The following NBEA variants were observed in gnomAD, a reference collection of about 807,000 sequenced individuals.
NBEA encodes the protein neurobeachin.
A neutral mutation model predicts 343.4 loss-of-function variants in NBEA; 44 were observed. The ratio of observed to expected loss-of-function variants is 0.13; its 90% CI spans 0.10 to 0.16. NBEA has a LOEUF of 0.16. NBEA is among the 10% of genes least tolerant of loss of function. The pLI, the probability that NBEA is intolerant of heterozygous loss-of-function variation, is 1.00. For synonymous variants in NBEA, 1,175 were observed against 1,238.7 expected (o/e 0.95, Z 1.08); for missense variants, 2,555 against 3,631.3 (o/e 0.70, Z 7.62).
chr13:35,477,947 C>G (rs1444946280), intron 41 of NBEA, among the ~76,000 whole-genome samples: 1 of 152,058 alleles, frequency 6.6e-6, no homozygotes, highest in Non-Finnish European at 1.5e-5. Context: ...TAAAGAAATA[C>G]TACTTAGTGG....
Position 35,515,169 on chromosome 13 carries a change from T to A in NBEA, c.6586-35308T>A, listed in dbSNP as rs141375250. 1.0e-3 allele frequency among the ~76,000 whole-genome samples: 158 copies of A among 152,300 alleles called. 1 individual carries two copies. Among genetic ancestry groups the A allele is most frequent in the African/African-American group, 3.5e-3 (146 of 41,556 alleles). ...CACGAGAATAACAGGGATAAAAGGA[T>A]AATGGATGAGGGTGTCATTATTACC... On this transcript the variant is annotated intron_variant, in intron 41 of 58. Coordinates refer to ENST00000379939, the MANE Select transcript of NBEA (RefSeq NM_001385012.1).
intron 36 of NBEA, among the ~76,000 whole-genome samples, chr13:35,341,163 C>T (rs1405000488): frequency 4.6e-5 from 7 of 151,898 alleles, no homozygotes; most frequent in African/African-American, 1.2e-4. Context: ...GTTGAAAAGA[C>T]GGTCACTTCA....
At chr13:34,975,712 A>G (rs2060149192) in intron 1 of NBEA, among the ~76,000 whole-genome samples, 1 of 152,170 alleles carries the variant, frequency 6.6e-6, no homozygotes, top group African/African-American at 2.4e-5. Context: ...CAGAATCTAC[A>G]AAGAACTCAA....
intron 41 of NBEA, among the ~76,000 whole-genome samples, chr13:35,512,848 T>C (rs547489522): frequency 1.4e-4 from 21 of 152,306 alleles, no homozygotes; most frequent in South Asian, 1.2e-3. Context: ...TCGACCTCCT[T>C]CCACAAAAAC....
chr13:35,532,289 T>G (rs117974904), intron 41 of NBEA, among the ~76,000 whole-genome samples: 2 of 152,288 alleles, frequency 1.3e-5, no homozygotes, highest in Non-Finnish European at 2.9e-5. Flanking sequence ...ACATGAAAAG[T>G]ACCTTTCAGG....
chr13:35,484,326 CTTTTTTGCAACAGACCAAGTTTAAA>C (rs1489986023), intron 41 of NBEA, among the ~76,000 whole-genome samples: 1 of 129,442 alleles, frequency 7.7e-6, no homozygotes, highest in African/African-American at 2.8e-5. Context: ...TTGTTTTTTA[CTTTTTTGCAACAGACCAAGTTTAAA>C]TTTTTTGCAA....
In NBEA at chr13:34,942,841, C is replaced by T. The variant is rs1192183508; in HGVS notation, c.21C>T (p.Gly7=). The change falls in exon 1 of 59, where the codon GGC becomes GGT. Residue 7 remains glycine, a synonymous_variant. Coordinates refer to ENST00000379939, the MANE Select transcript of NBEA (RefSeq NM_001385012.1). ...GGCCAATGGCTAGCGAGAAGCCGGG[C>T]CCGGGCCCGGGGCTCGAGCCTCAGC... The part of the protein sequence containing the change: MASEKP[G]PGPGLEPQPV... 2 of 1,364,418 alleles carry T rather than the reference C, an allele frequency of 1.5e-6. No individual in the cohort carries two copies. The highest frequency in any genetic ancestry group is 3.1e-5 in the African/African-American group (2 of 64,362). 84.5% of individuals were successfully genotyped at this position (1,364,418 alleles called of 1,614,324 possible).
At chr13:35,138,880 A>G (rs2067900376) in intron 17 of NBEA, among the ~76,000 whole-genome samples, 1 of 151,926 alleles carries the variant, frequency 6.6e-6, no homozygotes, top group Admixed American at 6.6e-5. Context: ...TATTCCTCTC[A>G]TCCTGTCATT....
chr13:35,098,403 A>G lies in NBEA; in HGVS notation c.1678A>G (p.Lys560Glu). The change falls in exon 11 of 59, where the codon AAG becomes GAG. Residue 560 changes from lysine (K) to glutamate (E), a missense_variant and splice_region_variant. Physicochemically the swap from Lys to Glu is moderately conservative, Grantham distance 56. Around this residue, in one of 21 missense-constraint regions of NBEA, gnomAD observed 360 missense variants for 519.1 expected, o/e 0.69. Coordinates refer to ENST00000379939, the MANE Select transcript of NBEA (RefSeq NM_001385012.1). ...TTTAGTCATTGGCTACTTACTTGAA[A>G]AGGTAAGTGATATGTGTTGATGGTT... ...GFLVIGYLLEKSSRVHITRAV... is the reference protein window; with the variant it reads ...GFLVIGYLLEESSRVHITRAV... The G allele has an allele frequency of 6.4e-7, 1 of 1,564,750 alleles. No homozygotes were observed. Among genetic ancestry groups the G allele is most frequent in the Non-Finnish European group, 8.7e-7 (1 of 1,148,990 alleles).
chr13:35,172,357 C>G (rs578096934), intron 26 of NBEA, among the ~76,000 whole-genome samples: 1 of 152,068 alleles, frequency 6.6e-6, no homozygotes, highest in South Asian at 2.1e-4. Context: ...TAAGATCTTT[C>G]TGGCAACCAA....
intron 34 of NBEA, among the ~76,000 whole-genome samples, chr13:35,243,881 A>G (rs2030753617): frequency 6.6e-6 from 1 of 151,920 alleles, no homozygotes; most frequent in African/African-American, 2.4e-5. Flanking sequence ...GACTTGAACA[A>G]CACTATAGAT....
intron 46 of NBEA, among the ~76,000 whole-genome samples, chr13:35,588,062 G>T (rs2153040993): frequency 6.6e-6 from 1 of 151,940 alleles, no homozygotes; most frequent in Admixed American, 6.6e-5. Flanking sequence ...GTAAAATAAG[G>T]CATTTTACAT....
intron 39 of NBEA, among the ~76,000 whole-genome samples, chr13:35,444,419 A>G (rs1376566234): frequency 1.3e-5 from 2 of 152,054 alleles, no homozygotes; most frequent in East Asian, 3.8e-4. Flanking sequence ...CATGTAATTA[A>G]TGCACTTTAA....
intron 41 of NBEA, among the ~76,000 whole-genome samples, chr13:35,508,640 TCAGA>T (rs1227978176): frequency 6.6e-6 from 1 of 152,126 alleles, no homozygotes; most frequent in African/African-American, 2.4e-5. Context: ...TAACATTCAT[TCAGA>T]ATGACCATTG....
chr13:35,628,578 A>T (rs994795784), intron 49 of NBEA, among the ~76,000 whole-genome samples: 1 of 152,230 alleles, frequency 6.6e-6, no homozygotes, highest in African/African-American at 2.4e-5. Context: ...GGAATATTCC[A>T]CATTAACATA....
At chr13:35,029,188 T>C (rs980105334) in intron 1 of NBEA, among the ~76,000 whole-genome samples, 3 of 151,506 alleles carry the variant, frequency 2.0e-5, no homozygotes, top group African/African-American at 7.3e-5. Flanking sequence ...TTATATATGA[T>C]ATATAACACA....
chr13:35,492,159 A>G (rs1030142358), intron 41 of NBEA, among the ~76,000 whole-genome samples: 2 of 151,990 alleles, frequency 1.3e-5, no homozygotes, highest in African/African-American at 2.4e-5. Context: ...ATGCAAAGGC[A>G]TAACAATGAC....
At chr13:35,405,805 G>C (rs9544264) in intron 38 of NBEA, among the ~76,000 whole-genome samples, 8,344 of 152,176 alleles carry the variant, frequency 0.055, 301 homozygotes, top group Non-Finnish European at 0.08. Context: ...CCATATAGCA[G>C]TAATTATTAA....
chr13:35,070,160 T>C, intron 9 of NBEA, 55 bp downstream of exon 9: 1 of 1,366,224 alleles, frequency 7.3e-7, no homozygotes, highest in South Asian at 1.7e-5. Flanking sequence ...ACAGTATCTT[T>C]ATTTTATATA....
Sources: gnomAD v4.1 joint callset for allele counts (sites outside exome capture counted in the v4.1 genomes callset) on GRCh38, gnomAD v4.1.1 for gene constraint, gnomAD v4.1.1 regional missense constraint, MANE v1.5 for transcripts, NCBI Gene and HGNC (gene_info 2026-07-23, HGNC 2026-07-21) for gene names.